SRPX: variants seen among roughly 807,000 people sequenced by gnomAD.
SRPX encodes sushi repeat-containing protein SRPX.
In SRPX, 24 loss-of-function variants were observed where a neutral mutation model predicts 38.1. That is an observed-to-expected ratio of 0.63 (90% CI 0.46 to 0.89). The LOEUF is 0.89. Among genes scored for constraint, SRPX ranks in the 40% least tolerant of loss-of-function variants. SRPX has a pLI of 0.00. For synonymous variants in SRPX, 184 were observed against 153.8 expected, an observed-to-expected ratio of 1.20 and a Z score of -1.45; for missense variants, 416 against 377.8, an observed-to-expected ratio of 1.10 and a Z score of -0.84.
At chrX:38,187,653 G>T (rs989944822) in intron 1 of SRPX, among the ~76,000 whole-genome samples, 2 of 111,927 alleles carry the variant, frequency 1.8e-5, no homozygotes, top group Non-Finnish European at 3.8e-5. Context: ...GCTATTGCCG[G>T]GTCTCTTGTA....
intron 1 of SRPX, among the ~76,000 whole-genome samples, chrX:38,215,644 G>T (rs1939412409): frequency 8.9e-6 from 1 of 112,017 alleles, no homozygotes; most frequent in Admixed American, 9.5e-5. Flanking sequence ...GGAAATTCTG[G>T]TTAAATCCTA....
At position 38,154,478 on chromosome X, in the gene SRPX, G is replaced by C; in HGVS notation, c.1195C>G (p.Leu399Val). Residue 399 changes from leucine to valine, a missense_variant, in exon 9 of 10, where the codon CTA becomes GTA. Coordinates refer to ENST00000378533, the MANE Select transcript of SRPX (RefSeq NM_006307.5). ...TCCCCCTACCTGAGCTGCAGCGCTA[G>C]GGCTGGAGGCATAATCTTTGCTCCT... Reference protein sequence around the residue: ...RIGAKIMPPALALQLRLLLRI... With the variant: ...RIGAKIMPPAVALQLRLLLRI... 8.3e-7 allele frequency: 1 copy of C among 1,205,527 alleles called. No homozygotes were observed. Among genetic ancestry groups the C allele is most frequent in the Non-Finnish European group, 1.1e-6 (1 of 892,392 alleles).
At chrX:38,181,667 A>G (rs1382619848) in intron 1 of SRPX, among the ~76,000 whole-genome samples, 1 of 111,862 alleles carries the variant, frequency 8.9e-6, no homozygotes, top group Non-Finnish European at 1.9e-5. Flanking sequence ...CTTGACTTCC[A>G]TTGCTCCAGC....
chrX:38,213,462 A>G (rs1045965130), intron 1 of SRPX, among the ~76,000 whole-genome samples: 11 of 111,886 alleles, frequency 9.8e-5, no homozygotes, highest in African/African-American at 3.6e-4. Context: ...CAACCTCAAA[A>G]GAGGGCAAGG....
Position 38,157,014 on chromosome X carries a change from A to G in SRPX, c.971T>C (p.Val324Ala). Reference protein sequence around the residue: ...EPTCAAMNVNVGVRTAAALLD... With the variant: ...EPTCAAMNVNAGVRTAAALLD... The stretch of plus-strand genomic sequence containing the variant: ...AAGTGCAGCTGCCGTTCTGACACCC[A>G]CATTGACGTTCATGGCTGTAATCAG... The change falls in exon 8 of 10, where the codon GTG (valine) becomes GCG (alanine). Residue 324 changes from valine to alanine, a missense_variant. Coordinates refer to ENST00000378533, the MANE Select transcript of SRPX (RefSeq NM_006307.5). The G allele has an allele frequency of 1.7e-6, 2 of 1,211,181 alleles. No individual in the cohort carries two copies. Among genetic ancestry groups the G allele is most frequent in the Non-Finnish European group, 2.2e-6 (2 of 895,272 alleles).
intron 3 of SRPX, among the ~76,000 whole-genome samples, chrX:38,173,038 G>A (rs1398402631): frequency 2.7e-5 from 3 of 112,385 alleles, no homozygotes; most frequent in African/African-American, 9.7e-5. Context: ...GGAGATCTGG[G>A]TAGAGCAGAT....
Position 38,157,264 on chromosome X carries a change from T to C in SRPX, c.956-235A>G, listed in dbSNP as rs754573371. 2.5e-4 allele frequency among the ~76,000 whole-genome samples: 28 copies of C among 111,780 alleles called. 1 individual carries two copies. The highest frequency in any genetic ancestry group is 2.5e-3 in the Admixed American group (26 of 10,557). ...CCATAAACTTAGTGACTTAACATAA[T>C]ACAAACTTATTCTTTTAGATACTGC... On this transcript the variant is annotated intron_variant, in intron 7 of 9. Coordinates refer to ENST00000378533, the MANE Select transcript of SRPX (RefSeq NM_006307.5).
intron 2 of SRPX, 31 bp from the exon 3 acceptor site, chrX:38,174,382 A>C (rs147327608): frequency 0.018 from 18,157 of 984,569 alleles, 143 homozygotes; most frequent in Middle Eastern, 0.038. Context: ...AGAGGAGATA[A>C]ATATGAAATG....
intron 1 of SRPX, among the ~76,000 whole-genome samples, chrX:38,179,038 T>C (rs1376075849): frequency 9.3e-6 from 1 of 107,812 alleles, no homozygotes; most frequent in Non-Finnish European, 1.9e-5. Context: ...CCTCCGCCTC[T>C]TGGGTTCAAG....
chrX:38,207,877 G>A (rs1376275988), intron 1 of SRPX, among the ~76,000 whole-genome samples: 1 of 112,239 alleles, frequency 8.9e-6, no homozygotes, highest in Non-Finnish European at 1.9e-5. Flanking sequence ...AACAAAGACA[G>A]AGTAAAGATC....
chrX:38,163,271 TC>T (rs1938300561), intron 5 of SRPX, among the ~76,000 whole-genome samples: 1 of 112,237 alleles, frequency 8.9e-6, no homozygotes. Flanking sequence ...GAACAAAATG[TC>T]CTGTCTCCTC....
At chrX:38,165,652 A>G (rs1342313034) in intron 4 of SRPX, among the ~76,000 whole-genome samples, 2 of 112,137 alleles carry the variant, frequency 1.8e-5, no homozygotes, top group Non-Finnish European at 3.8e-5. Flanking sequence ...GTGAATTACA[A>G]TCTAAGTCGG....
At chrX:38,199,243 A>G (rs1233651218) in intron 1 of SRPX, among the ~76,000 whole-genome samples, 17 of 109,518 alleles carry the variant, frequency 1.6e-4, no homozygotes, top group African/African-American at 5.4e-4. Flanking sequence ...CGTCTCTACT[A>G]AAAATACAAA....
At chrX:38,198,200 A>G (rs1939033562) in intron 1 of SRPX, among the ~76,000 whole-genome samples, 1 of 111,979 alleles carries the variant, frequency 8.9e-6, no homozygotes, top group African/African-American at 3.3e-5. Context: ...GAAATAATAA[A>G]AAGGCAGAGT....
intron 9 of SRPX, among the ~76,000 whole-genome samples, chrX:38,152,691 A>G (rs1938039420): frequency 8.9e-6 from 1 of 112,569 alleles, no homozygotes; most frequent in Non-Finnish European, 1.9e-5. Flanking sequence ...TTTTTTAATC[A>G]CATTTTTCTG....
intron 1 of SRPX, among the ~76,000 whole-genome samples, chrX:38,206,064 C>T (rs193146110): frequency 1.8e-5 from 2 of 113,045 alleles, no homozygotes; most frequent in Non-Finnish European, 3.7e-5. Flanking sequence ...TGTGACAATT[C>T]TGGATCTATG....
At chrX:38,194,863 G>GTTTTTTTTTTTTTTTTTTTTT (rs35179239) in intron 1 of SRPX, among the ~76,000 whole-genome samples, 1 of 53,667 alleles carries the variant, frequency 1.9e-5, no homozygotes. Context: ...TTTGTTTTTG[G>GTTTTTTTTTTTTTTTTTTTTT]TTTTTTTTTT....
chrX:38,205,170 A>G (rs1939186783), intron 1 of SRPX, among the ~76,000 whole-genome samples: 1 of 112,283 alleles, frequency 8.9e-6, no homozygotes, highest in Non-Finnish European at 1.9e-5. Flanking sequence ...CTCTACAAGG[A>G]GCAGAAATGT....
intron 1 of SRPX, among the ~76,000 whole-genome samples, chrX:38,179,691 A>G (rs187345932): frequency 0.01 from 1,157 of 111,984 alleles, 7 homozygotes; most frequent in Middle Eastern, 0.023. Context: ...GTTCATTAGG[A>G]AAAGACCCGC....
Sources: allele counts gnomAD v4.1 joint callset (sites outside exome capture counted in the v4.1 genomes callset), GRCh38; gene constraint gnomAD v4.1.1; transcripts MANE v1.5; gene names NCBI Gene and HGNC (gene_info 2026-07-23, HGNC 2026-07-21).